FAM149A: variants seen among roughly 807,000 people sequenced by gnomAD.
FAM149A encodes the protein family with sequence similarity 149 member A.
A neutral mutation model predicts 78.2 loss-of-function variants in FAM149A; 71 were observed. The ratio of observed to expected loss-of-function variants is 0.91; its 90% CI spans 0.75 to 1.11. The LOEUF is 1.11. Ranked by LOEUF, FAM149A falls within the 50% of genes least tolerant of loss-of-function variation. The pLI is 0.00. For missense variants in FAM149A, 1,036 were observed against 971.0 expected, an observed-to-expected ratio of 1.07 and a Z score of -0.89; for synonymous variants, 446 against 410.5, an observed-to-expected ratio of 1.09 and a Z score of -1.04.
At chr4:186,141,085 C>G (rs900851556) in intron 1 of FAM149A, among the ~76,000 whole-genome samples, 9 of 152,304 alleles carry the variant, frequency 5.9e-5, no homozygotes, top group African/African-American at 2.2e-4. Context: ...TTGCATTTCT[C>G]TAATGGTAAG....
At chr4:186,124,428 A>G (rs1178134878) in intron 1 of FAM149A, among the ~76,000 whole-genome samples, 4 of 121,746 alleles carry the variant, frequency 3.3e-5, no homozygotes, top group African/African-American at 6.2e-5. Context: ...CCCACCCCAC[A>G]ACAGGCCCCG....
chr4:186,110,033 C>A (rs1044083954), intron 1 of FAM149A: 7 of 985,296 alleles, frequency 7.1e-6, no homozygotes, highest in Non-Finnish European at 7.2e-6. Flanking sequence ...TAGCCCTTGT[C>A]TTTTCCTCCA....
rs1186675136 is a variant in FAM149A, at chr4:186,175,277, A to C, written c.*3290A>C. On this transcript the variant is annotated 3_prime_UTR_variant, in exon 14 of 14. Transcript: ENST00000389354. ...ATTCCTTAATTTCTAATAAAATATA[A>C]AAGTGTTAAAAGAGTTTTCAAAAAT... Among the ~76,000 whole-genome samples the C allele has an allele frequency of 8.9e-6, 1 of 112,114 alleles. No homozygotes were observed. The highest frequency in any genetic ancestry group is 2.8e-5 in the African/African-American group (1 of 35,958). The allele number at this position is 112,114 out of a possible 152,430, so 73.6% of individuals were successfully genotyped here.
intron 11 of FAM149A, among the ~76,000 whole-genome samples, chr4:186,165,769 G>A (rs184325984): frequency 6.6e-6 from 1 of 152,302 alleles, no homozygotes; most frequent in African/African-American, 2.4e-5. Context: ...ATTTGGTCAG[G>A]AGACAGGCAG....
chr4:186,125,278 A>G, intron 1 of FAM149A: 2 of 985,380 alleles, frequency 2.0e-6, no homozygotes, highest in Non-Finnish European at 2.4e-6. Flanking sequence ...GTTTTGTGAT[A>G]TGTGCCAGCC....
intron 1 of FAM149A, chr4:186,117,356 A>G (rs1379068555): frequency 1.1e-6 from 1 of 873,574 alleles, no homozygotes; most frequent in Non-Finnish European, 1.4e-6. Context: ...GTAATTAGGG[A>G]AAGAACTGGA....
In FAM149A at chr4:186,123,112, C is replaced by T. The variant is rs1007802665; in HGVS notation, c.566+17470C>T. The T allele has an allele frequency of 8.3e-6, 4 of 482,876 alleles. No individual in the cohort carries two copies. In the Admixed American group the frequency reaches 2.5e-4, roughly 31 times the overall value. 29.9% of individuals were successfully genotyped at this position (482,876 alleles called of 1,614,324 possible). Reference sequence around the variant, plus strand: ...AGATACTTTCATTCATAGGCCATGCCTCTGCATTCAAACACTGGTCATTCT... The same window carrying T: ...AGATACTTTCATTCATAGGCCATGCTTCTGCATTCAAACACTGGTCATTCT... On this transcript the variant is annotated intron_variant, in intron 1 of 13. Coordinates refer to ENST00000389354, the MANE Select transcript of FAM149A (RefSeq NM_001367768.3).
At chr4:186,136,963 TTTCTCTCTCTCTTTC>T (rs1561396317) in intron 1 of FAM149A, among the ~76,000 whole-genome samples, 62 of 103,338 alleles carry the variant, frequency 6.0e-4, no homozygotes, top group Admixed American at 1.0e-3. Flanking sequence ...TCTCTCTCTC[TTTCTCTCTCTCTTTC>T]TCTCTCTCTC....
intron 1 of FAM149A, among the ~76,000 whole-genome samples, chr4:186,136,942 CTCTCTCTCTCTCTCTCTCTCTT>C (rs1561396127): frequency 7.2e-5 from 7 of 97,170 alleles, no homozygotes; most frequent in African/African-American, 3.4e-4. Flanking sequence ...ATTGATCTCT[CTCTCTCTCTCTCTCTCTCTCTT>C]TCTCTCTCTC....
At chr4:186,134,291 G>T (rs1020170375) in intron 1 of FAM149A, among the ~76,000 whole-genome samples, 1 of 152,178 alleles carries the variant, frequency 6.6e-6, no homozygotes, top group Non-Finnish European at 1.5e-5. Flanking sequence ...GAGCAATTAT[G>T]ATCTTTATTT....
chr4:186,117,972 C>T, intron 1 of FAM149A: 2 of 985,278 alleles, frequency 2.0e-6, no homozygotes, highest in Non-Finnish European at 2.4e-6. Flanking sequence ...AAAGGGGGAC[C>T]ACAGAAGATG....
Position 186,144,769 on chromosome 4 carries a change from C to T in FAM149A, c.567-4404C>T. 2 of 957,650 alleles carry T rather than the reference C, an allele frequency of 2.1e-6. No homozygotes were observed. The highest frequency in any genetic ancestry group is 2.5e-6 in the Non-Finnish European group (2 of 804,944). 59.3% of individuals were successfully genotyped at this position (957,650 alleles called of 1,614,324 possible). ...GGCCCGGAGCGGGGATGGGCGGGCG[C>T]AGCCGGGATTAGCTGGCGGGCGAGG... On this transcript the variant is annotated intron_variant, in intron 1 of 13. Transcript: ENST00000389354. The surrounding 1 kb of genome is among the most constrained non-coding windows in gnomAD (Gnocchi z 4.2).
intron 1 of FAM149A, among the ~76,000 whole-genome samples, chr4:186,118,497 T>A (rs1017910004): frequency 1.3e-5 from 2 of 152,242 alleles, no homozygotes; most frequent in African/African-American, 4.8e-5. Flanking sequence ...TTTTTTGATT[T>A]TTATTATGTT....
chr4:186,169,314 G>C, intron 13 of FAM149A: 1 of 985,316 alleles, frequency 1.0e-6, no homozygotes, highest in African/African-American at 1.7e-5. Context: ...CACAGCCAAG[G>C]CCCCTGATCT....
chr4:186,144,727 G>GT lies in FAM149A; in HGVS notation c.567-4446_567-4445insT. ...GCGCTTTCCCGGAGGTCGGCGCGGG[G>GT]CCGGGGCCGGGGCCGGGGCCCGGAG... On this transcript the variant is annotated intron_variant, in intron 1 of 13. Coordinates refer to ENST00000389354, the MANE Select transcript of FAM149A (RefSeq NM_001367768.3). The surrounding 1 kb of genome is among the most constrained non-coding windows in gnomAD (Gnocchi z 4.2). 1 of 253,654 alleles carries GT rather than the reference G, an allele frequency of 3.9e-6. No homozygotes were observed. The highest frequency in any genetic ancestry group is 1.7e-4 in the South Asian group (1 of 5,880). 15.7% of individuals were successfully genotyped at this position (253,654 alleles called of 1,614,324 possible).
chr4:186,133,762 C>T (rs4862642), intron 1 of FAM149A, among the ~76,000 whole-genome samples: 38,036 of 151,936 alleles, frequency 0.25, 5,228 homozygotes, highest in East Asian at 0.51. Flanking sequence ...CTCAGGTGAT[C>T]CTCCTGCCTC....
intron 1 of FAM149A, among the ~76,000 whole-genome samples, chr4:186,131,408 A>G (rs1470180041): frequency 6.8e-6 from 1 of 146,368 alleles, no homozygotes. Flanking sequence ...CACAAAGAAG[A>G]AGGCATTTGA....
At chr4:186,107,462 A>G (rs1195256776) in intron 1 of FAM149A, 1 of 152,210 alleles carries the variant, frequency 6.6e-6, no homozygotes, top group African/African-American at 2.4e-5. Flanking sequence ...TCTGTCACCC[A>G]GGTTGGAGTG....
At chr4:186,107,725 T>G (rs1239844462) in intron 1 of FAM149A, 1 of 152,280 alleles carries the variant, frequency 6.6e-6, no homozygotes, top group African/African-American at 2.4e-5. Flanking sequence ...GGCCATGAAA[T>G]TGAATTTTAG....
Sources: gnomAD v4.1 joint callset for allele counts (sites outside exome capture counted in the v4.1 genomes callset) on GRCh38, gnomAD v4.1.1 for gene constraint, Gnocchi (gnomAD v3.1) non-coding constraint, MANE v1.5 for transcripts, NCBI Gene and HGNC (gene_info 2026-07-23, HGNC 2026-07-21) for gene names.